MOGAT2: variants seen among roughly 807,000 people sequenced by gnomAD.
The protein encoded by MOGAT2 is 2-acylglycerol O-acyltransferase 2.
Under a neutral mutation model 31.5 loss-of-function variants are expected in MOGAT2, and 27 were observed. The ratio of observed to expected loss-of-function variants is 0.86; its 90% confidence interval spans 0.63 to 1.18. The LOEUF is 1.18. MOGAT2 is among the 50% of genes most tolerant of loss of function. The probability of loss-of-function intolerance (pLI) is 0.00; values close to 1 mark genes in which losing one functional copy is unlikely to be tolerated. For missense variants in MOGAT2, 436 were observed against 433.2 expected (o/e 1.01, Z -0.06); for synonymous variants, 163 against 170.0 (o/e 0.96, Z 0.32).
intron 1 of MOGAT2, 42 bp downstream of exon 1, chr11:75,718,021 A>T (rs762738382): frequency 6.3e-7 from 1 of 1,580,744 alleles, no homozygotes; most frequent in Non-Finnish European, 8.7e-7. Flanking sequence ...CACCGCACTC[A>T]GGTGGGGCAG....
rs144736419 is a variant in MOGAT2 at position 75,723,141 on chromosome 11, T to C, written c.270+2971T>C. On this transcript the variant is annotated intron_variant, in intron 2 of 5. Coordinates refer to ENST00000198801, the MANE Select transcript of MOGAT2 (RefSeq NM_025098.4). Reference sequence around the variant, plus strand: ...CACTCCCGGCTGATTTGTATTTTTTTAGTAGAGACGGGATTTCACCATGTT... The same window carrying C: ...CACTCCCGGCTGATTTGTATTTTTTCAGTAGAGACGGGATTTCACCATGTT... Among the ~76,000 whole-genome samples, 638 of 152,164 alleles carry C rather than the reference T, an allele frequency of 4.2e-3. 5 individuals are homozygous for C. Among genetic ancestry groups the C allele is most frequent in the Middle Eastern group, 0.017 (5 of 294 alleles).
At chr11:75,722,837 G>A (rs2135732782) in intron 2 of MOGAT2, among the ~76,000 whole-genome samples, 1 of 152,354 alleles carries the variant, frequency 6.6e-6, no homozygotes, top group Non-Finnish European at 1.5e-5. Context: ...CGTCCTTCCT[G>A]CTCCTTCCCC....
intron 5 of MOGAT2, among the ~76,000 whole-genome samples, chr11:75,729,467 G>T (rs1350882840): frequency 2.6e-5 from 4 of 152,084 alleles, no homozygotes; most frequent in African/African-American, 7.2e-5. Flanking sequence ...TAGAGATGGG[G>T]TTTCACCATG....
chr11:75,724,975 C>A (rs1013108297), intron 2 of MOGAT2, among the ~76,000 whole-genome samples: 6 of 152,168 alleles, frequency 3.9e-5, no homozygotes, highest in African/African-American at 1.4e-4. Flanking sequence ...TCTAAATAGG[C>A]CCTGCTGATG....
chr11:75,718,374 G>A (rs1397609291), intron 1 of MOGAT2, among the ~76,000 whole-genome samples: 4 of 152,302 alleles, frequency 2.6e-5, no homozygotes, highest in Non-Finnish European at 1.5e-5. Flanking sequence ...GGAGGAAACT[G>A]GGGCTGGTAG....
chr11:75,720,577 G>T (rs1282678051), intron 2 of MOGAT2, among the ~76,000 whole-genome samples: 2 of 152,206 alleles, frequency 1.3e-5, no homozygotes, highest in Admixed American at 1.3e-4. Context: ...CTGACACCCA[G>T]AGATGGAGGA....
chr11:75,727,025 CA>C (rs1944427563), intron 2 of MOGAT2, among the ~76,000 whole-genome samples: 1 of 152,086 alleles, frequency 6.6e-6, no homozygotes, highest in Non-Finnish European at 1.5e-5. Flanking sequence ...GCTGTTTCAG[CA>C]TGGCGGTGCC....
chr11:75,729,382 C>T (rs150518421), intron 5 of MOGAT2, among the ~76,000 whole-genome samples: 76 of 152,244 alleles, frequency 5.0e-4, no homozygotes, highest in African/African-American at 1.7e-3. Flanking sequence ...TCAAGAGATT[C>T]TCATGCCTCA....
At position 75,727,452 on chromosome 11, in the gene MOGAT2, G is replaced by T; in HGVS notation, c.288G>T (p.Glu96Asp). The change falls in exon 3 of 6, where the codon GAG (glutamate) becomes GAT (aspartate). Residue 96 changes from glutamate (E) to aspartate (D), a missense_variant. Glu to Asp is a conservative substitution (Grantham distance 45). Coordinates refer to ENST00000198801, the MANE Select transcript of MOGAT2 (RefSeq NM_025098.4). Reference sequence around the variant, plus strand: ...CCCTGCAGCTGGTCAAGACTGCTGAGCTGGACCCCTCTCGGAACTACATTG... The same window carrying T: ...CCCTGCAGCTGGTCAAGACTGCTGATCTGGACCCCTCTCGGAACTACATTG... ...YFPISLVKTA[E>D]LDPSRNYIAG... The T allele has an allele frequency of 6.2e-7, 1 of 1,614,082 alleles. No homozygotes were observed. Among genetic ancestry groups the T allele is most frequent in the Non-Finnish European group, 8.5e-7 (1 of 1,180,004 alleles).
intron 3 of MOGAT2, 83 bp from the exon 4 acceptor site, chr11:75,727,887 T>C: frequency 7.2e-7 from 1 of 1,397,432 alleles, no homozygotes; most frequent in East Asian, 2.3e-5. Context: ...TAGGCATTGC[T>C]GGTGATCTCT....
At chr11:75,718,039 A>G (rs1944345006) in intron 1 of MOGAT2, 60 bp downstream of exon 1, 4 of 1,486,030 alleles carry the variant, frequency 2.7e-6, no homozygotes, top group Non-Finnish European at 1.9e-6. Flanking sequence ...CAGAGCAGCC[A>G]CACCAGGTGC....
In MOGAT2 at chr11:75,719,884, C is replaced by T. The variant is rs1290171591; in HGVS notation, c.92-108C>T. 19 of 1,109,276 alleles carry T rather than the reference C, an allele frequency of 1.7e-5. No homozygotes were observed. The Admixed American group carries it at 3.9e-4, about 23-fold the overall frequency. The allele number at this position is 1,109,276 out of a possible 1,614,324, so 68.7% of individuals were successfully genotyped here. On this transcript the variant is annotated intron_variant, in intron 1 of 5. Transcript: ENST00000198801. ...CTTCCTCCTGGGCCCGAGGATTGGA[C>T]AGGACAGTGCTGCTAGTGCCAGGCC... is the stretch of plus-strand genomic sequence containing the variant.
chr11:75,727,458 C>A lies in MOGAT2; in HGVS notation c.294C>A (p.Asp98Glu), dbSNP rs912649667. The change falls in exon 3 of 6, where the codon GAC (aspartate) becomes GAA (glutamate). Residue 98 changes from aspartate to glutamate, a missense_variant. Coordinates refer to ENST00000198801, the MANE Select transcript of MOGAT2 (RefSeq NM_025098.4). ...PISLVKTAEL[D>E]PSRNYIAGFH... ...AGCTGGTCAAGACTGCTGAGCTGGA[C>A]CCCTCTCGGAACTACATTGCGGGCT... 1.2e-6 allele frequency: 2 copies of A among 1,614,090 alleles called. No homozygotes were observed.
At chr11:75,728,722 A>T in intron 4 of MOGAT2, 68 bp from the exon 5 acceptor site, 1 of 1,378,810 alleles carries the variant, frequency 7.3e-7, no homozygotes, top group Non-Finnish European at 1.0e-6. Context: ...GCAGGAAGCT[A>T]AAGGGCCTTT....
Position 75,731,494 on chromosome 11 carries a change from A to G in MOGAT2, c.*208A>G. ...GGGCTAGGACAGTGAGGGCTGCTAG[A>G]GGGGCTGGGCCTCTCTTTGCACATG... is the stretch of plus-strand genomic sequence containing the variant. On this transcript the variant is annotated 3_prime_UTR_variant, in exon 6 of 6. Coordinates refer to ENST00000198801, the MANE Select transcript of MOGAT2 (RefSeq NM_025098.4). The G allele has an allele frequency of 1.9e-6, 1 of 517,698 alleles. No homozygotes were observed. The highest frequency in any genetic ancestry group is 3.2e-6 in the Non-Finnish European group (1 of 316,526). The allele number at this position is 517,698 out of a possible 1,614,324, so 32.1% of individuals were successfully genotyped here.
rs1368826128 is a variant in MOGAT2 at position 75,725,247 on chromosome 11, A to G, written c.271-2188A>G. ...CAAGTGTTTCCATGCATTGAGCTAG[A>G]TAGGTTTTTAAAGAACCACCACCAG... On this transcript the variant is annotated intron_variant, in intron 2 of 5. Coordinates refer to ENST00000198801, the MANE Select transcript of MOGAT2 (RefSeq NM_025098.4). Among the ~76,000 whole-genome samples the G allele has an allele frequency of 3.9e-5, 6 of 152,166 alleles. No homozygotes were observed. The East Asian group carries it at 1.2e-3, about 29-fold the overall frequency.
chr11:75,719,975 C>T lies in MOGAT2; in HGVS notation c.92-17C>T, dbSNP rs1265348387. On this transcript the variant is annotated splice_polypyrimidine_tract_variant and intron_variant, in intron 1 of 5. Coordinates refer to ENST00000198801, the MANE Select transcript of MOGAT2 (RefSeq NM_025098.4). ...TCTCAGACCCCTGTCCCTGACAGCT[C>T]CTTCTTCCCTCCCCAGCCGAGATCT... 3 of 1,563,600 alleles carry T rather than the reference C, an allele frequency of 1.9e-6. No individual in the cohort carries two copies. In the African/African-American group the frequency reaches 4.9e-5, roughly 25 times the overall value.
chr11:75,731,070 G>A, intron 5 of MOGAT2, 62 bp from the exon 6 acceptor site: 2 of 1,471,158 alleles, frequency 1.4e-6, no homozygotes, highest in Non-Finnish European at 1.9e-6. Context: ...CCATGGGGGT[G>A]GGCACCTGCA....
In MOGAT2 at chr11:75,731,361, T is replaced by C; in HGVS notation, c.*75T>C. 6.6e-7 allele frequency: 1 copy of C among 1,521,052 alleles called. No homozygotes were observed. The highest frequency in any genetic ancestry group is 8.8e-7 in the Non-Finnish European group (1 of 1,133,464). 94.2% of individuals were successfully genotyped at this position (1,521,052 alleles called of 1,614,324 possible). On this transcript the variant is annotated 3_prime_UTR_variant, in exon 6 of 6. Coordinates refer to ENST00000198801, the MANE Select transcript of MOGAT2 (RefSeq NM_025098.4). ...TGAGAAGACTTCCTGGAGGTGTTTG[T>C]TGAACATATCTGCAGAGCCTTCCCA...
Sources: allele counts gnomAD v4.1 joint callset (sites outside exome capture counted in the v4.1 genomes callset), GRCh38; gene constraint gnomAD v4.1.1; transcripts MANE v1.5; gene names NCBI Gene and HGNC (gene_info 2026-07-23, HGNC 2026-07-21).